CNTLN: variants seen among roughly 807,000 people sequenced by gnomAD.
The protein encoded by CNTLN is centlein.
CNTLN carries 212 observed loss-of-function variants against 180.0 expected under a neutral mutation model. That is an observed-to-expected ratio of 1.18 (90% CI 1.05 to 1.32). The LOEUF is 1.32. Among genes scored for constraint, CNTLN ranks in the 40% most tolerant of loss-of-function variants. The probability of loss-of-function intolerance (pLI) is 0.00; values close to 1 mark genes in which losing one functional copy is unlikely to be tolerated. For synonymous variants in CNTLN, 722 were observed against 563.1 expected, an observed-to-expected ratio of 1.28 and a Z score of -3.99; for missense variants, 2,095 against 1,610.9, an observed-to-expected ratio of 1.30 and a Z score of -5.14.
rs368251598 is a variant in CNTLN at position 17,258,005 on chromosome 9, T to G, written c.850-15728T>G. On this transcript the variant is annotated intron_variant, in intron 5 of 25. Coordinates refer to ENST00000380647, the MANE Select transcript of CNTLN (RefSeq NM_017738.4). ...AATTAGATCCCATTTGTCAATTTTG[T>G]CTTTTGTTGCCATTGCTTTTGTTGT... Among the ~76,000 whole-genome samples, 1,205 of 142,080 alleles carry G rather than the reference T, an allele frequency of 8.5e-3. 18 individuals carry two copies. Among genetic ancestry groups the G allele is most frequent in the East Asian group, 0.051 (239 of 4,722 alleles). 93.2% of individuals were successfully genotyped at this position (142,080 alleles called of 152,430 possible). A position where few individuals can be genotyped will look rare whatever the true frequency, so the allele number is the denominator to read the frequency against.
intron 2 of CNTLN, among the ~76,000 whole-genome samples, chr9:17,166,649 C>G (rs530173794): frequency 3.9e-5 from 6 of 152,122 alleles, no homozygotes; most frequent in South Asian, 2.1e-4. Flanking sequence ...CAGTGATTGT[C>G]TCAATTGCTA....
At chr9:17,325,971 G>T (rs1820262795) in intron 8 of CNTLN, among the ~76,000 whole-genome samples, 1 of 151,836 alleles carries the variant, frequency 6.6e-6, no homozygotes, top group African/African-American at 2.4e-5. Flanking sequence ...ATATTTCTTG[G>T]ATTTAATGCA....
At chr9:17,237,722 AGG>A (rs1563910638) in intron 5 of CNTLN, among the ~76,000 whole-genome samples, 1 of 151,898 alleles carries the variant, frequency 6.6e-6, no homozygotes, top group Non-Finnish European at 1.5e-5. Flanking sequence ...AGGAATACTG[AGG>A]GACGATGGTA....
At chr9:17,221,931 T>C (rs1824164335) in intron 2 of CNTLN, among the ~76,000 whole-genome samples, 1 of 152,038 alleles carries the variant, frequency 6.6e-6, no homozygotes, top group Non-Finnish European at 1.5e-5. Flanking sequence ...ATTCTCTCTT[T>C]TTATTTCTTT....
chr9:17,477,086 C>T (rs534805650), intron 23 of CNTLN, among the ~76,000 whole-genome samples: 1 of 152,280 alleles, frequency 6.6e-6, no homozygotes, highest in African/African-American at 2.4e-5. Flanking sequence ...TCTACTGTGC[C>T]TATGCTCCAT....
intron 20 of CNTLN, among the ~76,000 whole-genome samples, chr9:17,464,113 A>G (rs536183688): frequency 6.6e-6 from 1 of 151,490 alleles, no homozygotes; most frequent in Admixed American, 6.6e-5. Flanking sequence ...TTATTGAAGT[A>G]TAAGATTTTT....
chr9:17,262,825 G>A (rs1330075840), intron 5 of CNTLN, among the ~76,000 whole-genome samples: 1 of 151,318 alleles, frequency 6.6e-6, no homozygotes, highest in African/African-American at 2.5e-5. Flanking sequence ...AGTATGATCA[G>A]TATGATGTTG....
rs749683256 is a variant in CNTLN at position 17,466,136 on chromosome 9, G to C, written c.3669+18G>C. On this transcript the variant is annotated intron_variant, in intron 22 of 25. Coordinates refer to ENST00000380647, the MANE Select transcript of CNTLN (RefSeq NM_017738.4). ...AAAAAAAGGTATGCTTTTAAAAAGGGCATTTTAGATTACAGATGGAATATA... is the reference window on the plus strand; with the variant it reads ...AAAAAAAGGTATGCTTTTAAAAAGGCCATTTTAGATTACAGATGGAATATA... 2 of 1,583,276 alleles carry C rather than the reference G, an allele frequency of 1.3e-6. No homozygotes were observed. Among genetic ancestry groups the C allele is most frequent in the South Asian group, 2.3e-5 (2 of 88,034 alleles).
At chr9:17,238,468 G>A (rs529538285) in intron 5 of CNTLN, among the ~76,000 whole-genome samples, 64 of 152,066 alleles carry the variant, frequency 4.2e-4, no homozygotes, top group Non-Finnish European at 8.8e-4. Flanking sequence ...TACCTTCCTG[G>A]AAAGTAGATC....
chr9:17,156,939 C>A (rs1819334967), intron 2 of CNTLN, among the ~76,000 whole-genome samples: 4 of 152,218 alleles, frequency 2.6e-5, no homozygotes, highest in Admixed American at 2.6e-4. Flanking sequence ...TTGCTAGGTA[C>A]AAAGTTGTAT....
chr9:17,456,079 TA>T (rs1831099196), intron 18 of CNTLN, among the ~76,000 whole-genome samples: 1 of 152,018 alleles, frequency 6.6e-6, no homozygotes, highest in African/African-American at 2.4e-5. Flanking sequence ...GGGTTTGCAT[TA>T]AGAGAGTGGC....
At chr9:17,334,985 T>C (rs964176846) in intron 10 of CNTLN, among the ~76,000 whole-genome samples, 2 of 151,974 alleles carry the variant, frequency 1.3e-5, no homozygotes, top group South Asian at 2.1e-4. Flanking sequence ...TAGTTCCAGT[T>C]TGAGCCCAAA....
chr9:17,207,719 A>T lies in CNTLN; in HGVS notation c.450-18484A>T, dbSNP rs76128887. On this transcript the variant is annotated intron_variant, in intron 2 of 25. Coordinates refer to ENST00000380647, the MANE Select transcript of CNTLN (RefSeq NM_017738.4). ...GATGAACTGGGTCCCTCACTTGGAAATGAAGAAATTGCCCACCTTCTGCGT... is the reference window on the plus strand; with the variant it reads ...GATGAACTGGGTCCCTCACTTGGAATTGAAGAAATTGCCCACCTTCTGCGT... Among the ~76,000 whole-genome samples the T allele has an allele frequency of 1.6e-3, 245 of 152,030 alleles. 6 individuals carry two copies. The East Asian group carries it at 0.044, about 27-fold the overall frequency.
intron 6 of CNTLN, among the ~76,000 whole-genome samples, chr9:17,292,736 G>C (rs1829496822): frequency 6.6e-6 from 1 of 151,948 alleles, no homozygotes; most frequent in Non-Finnish European, 1.5e-5. Flanking sequence ...CTTTGTATTG[G>C]GTTAGAACAT....
intron 13 of CNTLN, among the ~76,000 whole-genome samples, chr9:17,377,822 A>C (rs1300405444): frequency 6.6e-6 from 1 of 152,192 alleles, no homozygotes; most frequent in African/African-American, 2.4e-5. Flanking sequence ...TGTGGATGTC[A>C]CTTGCCTTTG....
At chr9:17,224,265 TC>T (rs374636902) in intron 2 of CNTLN, among the ~76,000 whole-genome samples, 5 of 152,030 alleles carry the variant, frequency 3.3e-5, no homozygotes, top group African/African-American at 1.2e-4. Flanking sequence ...TTTATTTTGT[TC>T]CCTCCAATAT....
intron 10 of CNTLN, among the ~76,000 whole-genome samples, chr9:17,338,069 TTA>T (rs1242867920): frequency 6.6e-6 from 1 of 152,072 alleles, no homozygotes; most frequent in Non-Finnish European, 1.5e-5. Context: ...TCTTTTGAAA[TTA>T]TGTTTTGACA....
intron 21 of CNTLN, among the ~76,000 whole-genome samples, 154 bp downstream of exon 21, chr9:17,464,777 T>C (rs1831648632): frequency 6.6e-6 from 1 of 151,206 alleles, no homozygotes; most frequent in Non-Finnish European, 1.5e-5. Context: ...TGAAAGTACA[T>C]TATTTATTTT....
In CNTLN at chr9:17,236,412, A is replaced by G. The variant is rs777503702; in HGVS notation, c.673A>G (p.Thr225Ala). The G allele has an allele frequency of 6.2e-7, 1 of 1,602,130 alleles. No homozygotes were observed. Among genetic ancestry groups the G allele is most frequent in the Admixed American group, 1.7e-5 (1 of 57,160 alleles). ...FKDKSQEIKD[T>A]KECVQNKEEQ... is the part of the protein sequence containing the mutation. ...CCCTTGTGGTACTGTTCTACAGGAC[A>G]CTAAGGAGTGTGTACAGAACAAAGA... The change falls in exon 5 of 26, where the codon ACT (threonine) becomes GCT (alanine). Residue 225 changes from threonine (T) to alanine (A), a missense_variant. By Grantham distance (58) the Thr-to-Ala change is moderately conservative. Transcript: ENST00000380647.
Sources: gnomAD v4.1 joint callset for allele counts (sites outside exome capture counted in the v4.1 genomes callset) on GRCh38, gnomAD v4.1.1 for gene constraint, MANE v1.5 for transcripts, NCBI Gene and HGNC (gene_info 2026-07-23, HGNC 2026-07-21) for gene names.